PRRX2: variants seen among roughly 807,000 people sequenced by gnomAD.
PRRX2 encodes the protein paired related homeobox 2, also known as paired mesoderm homeobox protein 2.
A neutral mutation model predicts 18.0 loss-of-function variants in PRRX2; 11 were observed. The observed-to-expected ratio is 0.61, with a 90% CI of 0.39 to 1.01. The LOEUF (loss-of-function observed/expected upper bound fraction) is 1.01, where lower values mean the gene tolerates loss of function less well. PRRX2 is among the 50% of genes least tolerant of loss of function. PRRX2 has a pLI of 0.01. For missense variants in PRRX2, 387 were observed against 351.0 expected (o/e 1.10, Z -0.82); for synonymous variants, 177 against 154.8 (o/e 1.14, Z -1.06).
intron 1 of PRRX2, among the ~76,000 whole-genome samples, chr9:129,702,608 T>C (rs1832511759): frequency 6.6e-6 from 1 of 152,220 alleles, no homozygotes; most frequent in African/African-American, 2.4e-5. Flanking sequence ...GCTCCCACGT[T>C]GGACGGTACA....
At chr9:129,684,460 C>CATA in intron 1 of PRRX2, among the ~76,000 whole-genome samples, 1 of 125,200 alleles carries the variant, frequency 8.0e-6, no homozygotes, top group African/African-American at 3.1e-5. Flanking sequence ...ACACACACAC[C>CATA]CAACAGAAAA....
intron 1 of PRRX2, among the ~76,000 whole-genome samples, chr9:129,673,385 A>C (rs1358326562): frequency 6.6e-6 from 1 of 152,160 alleles, no homozygotes; most frequent in East Asian, 1.9e-4. Flanking sequence ...TGAGCCCAGG[A>C]GTTCGAGGCT....
intron 1 of PRRX2, among the ~76,000 whole-genome samples, chr9:129,697,338 C>G (rs1274116332): frequency 2.0e-5 from 3 of 152,174 alleles, no homozygotes; most frequent in East Asian, 1.9e-4. Context: ...TCCCCTAGGC[C>G]GTGCCCCCTC....
intron 2 of PRRX2, 90 bp from the exon 3 acceptor site, chr9:129,720,506 G>A: frequency 1.5e-6 from 2 of 1,294,778 alleles, no homozygotes; most frequent in Non-Finnish European, 2.1e-6. Context: ...GCCAGCCCTG[G>A]GCTGGTGACA....
intron 1 of PRRX2, among the ~76,000 whole-genome samples, chr9:129,716,099 G>C (rs1832703852): frequency 6.6e-6 from 1 of 152,330 alleles, no homozygotes; most frequent in African/African-American, 2.4e-5. Flanking sequence ...AACCCGGCCG[G>C]TGGGAATGCA....
At chr9:129,720,283 G>A (rs536361601) in intron 2 of PRRX2, among the ~76,000 whole-genome samples, 3 of 150,480 alleles carry the variant, frequency 2.0e-5, no homozygotes, top group South Asian at 4.2e-4. Context: ...CTCTCCCCCC[G>A]AGTGCTCAGC....
intron 1 of PRRX2, among the ~76,000 whole-genome samples, chr9:129,677,934 C>T (rs1162436329): frequency 6.7e-6 from 1 of 149,426 alleles, no homozygotes; most frequent in Non-Finnish European, 1.5e-5. Context: ...TTTAAGGCTG[C>T]GGCTGCTTTT....
intron 1 of PRRX2, among the ~76,000 whole-genome samples, chr9:129,672,059 C>A (rs1040182666): frequency 6.6e-6 from 1 of 152,148 alleles, no homozygotes; most frequent in Non-Finnish European, 1.5e-5. Context: ...TGGGGTCAGG[C>A]TGGACGCGGC....
intron 1 of PRRX2, among the ~76,000 whole-genome samples, chr9:129,694,691 C>A (rs1832398945): frequency 6.6e-6 from 1 of 152,184 alleles, no homozygotes; most frequent in Non-Finnish European, 1.5e-5. Flanking sequence ...CTTGACCCCA[C>A]AGATCCTGTT....
chr9:129,719,484 C>T (rs1832762070), intron 2 of PRRX2, 66 bp downstream of exon 2: 3 of 1,405,748 alleles, frequency 2.1e-6, no homozygotes, highest in Non-Finnish European at 1.9e-6. Context: ...ACTGTTCACC[C>T]GGGATTACAC....
In PRRX2 at chr9:129,719,217, C is replaced by CA. The variant is rs200713340; in HGVS notation, c.260-14_260-13insA. 6.4e-7 allele frequency: 1 copy of CA among 1,558,604 alleles called. No individual in the cohort carries two copies. The highest frequency in any genetic ancestry group is 1.9e-5 in the Admixed American group (1 of 53,924). ...GCCGTCCTGCTGACCATCCCGCCCC[C>CA]CCAACCTCCGCAGGTGAGTGTCCCA... On this transcript the variant is annotated splice_polypyrimidine_tract_variant and intron_variant, in intron 1 of 3. Transcript: ENST00000372469.
chr9:129,719,553 G>T (rs1048041026), intron 2 of PRRX2, 135 bp downstream of exon 2: 1 of 1,166,882 alleles, frequency 8.6e-7, no homozygotes, highest in East Asian at 2.9e-5. Flanking sequence ...CGGGGGTTCA[G>T]ATCCCAGCCC....
chr9:129,691,197 C>T (rs1224146261), intron 1 of PRRX2, among the ~76,000 whole-genome samples: 3 of 151,130 alleles, frequency 2.0e-5, no homozygotes, highest in South Asian at 4.2e-4. Context: ...ATTAGACACG[C>T]GTCATGGCGG....
chr9:129,678,286 G>C (rs1352175786), intron 1 of PRRX2, among the ~76,000 whole-genome samples: 1 of 152,100 alleles, frequency 6.6e-6, no homozygotes, highest in Admixed American at 6.5e-5. Context: ...TTTTCAAGGG[G>C]CTGGTTTCTC....
At chr9:129,706,700 C>T (rs952534727) in intron 1 of PRRX2, among the ~76,000 whole-genome samples, 1 of 152,062 alleles carries the variant, frequency 6.6e-6, no homozygotes, top group African/African-American at 2.4e-5. Flanking sequence ...TGCACTCTAG[C>T]CTGAGTGCAG....
rs1037503697 is a variant in PRRX2 at position 129,720,516 on chromosome 9, A to G, written c.448-80A>G. ...ACGCTGCCAGCCCTGGGCTGGTGAC[A>G]GAGCAGGCACACACCCAGGTCCAGA... On this transcript the variant is annotated intron_variant, in intron 2 of 3. Coordinates refer to ENST00000372469, the MANE Select transcript of PRRX2 (RefSeq NM_016307.4). 5 of 1,371,938 alleles carry G rather than the reference A, an allele frequency of 3.6e-6. No homozygotes were observed. In the African/African-American group the frequency reaches 7.3e-5, roughly 20 times the overall value. 85.0% of individuals were successfully genotyped at this position (1,371,938 alleles called of 1,614,324 possible). A position where few individuals can be genotyped will look rare whatever the true frequency, so the allele number is the denominator to read the frequency against.
intron 1 of PRRX2, among the ~76,000 whole-genome samples, chr9:129,698,881 C>T (rs984073926): frequency 6.6e-6 from 1 of 152,216 alleles, no homozygotes; most frequent in Non-Finnish European, 1.5e-5. Flanking sequence ...TTCCTGGTGT[C>T]TGGAGGCTCA....
intron 1 of PRRX2, among the ~76,000 whole-genome samples, chr9:129,669,387 GACTT>G (rs1412889714): frequency 1.3e-5 from 2 of 152,238 alleles, no homozygotes; most frequent in Admixed American, 6.5e-5. Flanking sequence ...CCTTTGCAAT[GACTT>G]ACAACAAAAG....
chr9:129,714,932 T>C (rs1382248260), intron 1 of PRRX2, among the ~76,000 whole-genome samples: 2 of 152,146 alleles, frequency 1.3e-5, no homozygotes, highest in Non-Finnish European at 2.9e-5. Context: ...TTCAGGCTAT[T>C]GATCACCACC....
Sources: gnomAD v4.1 joint callset for allele counts (sites outside exome capture counted in the v4.1 genomes callset) on GRCh38, gnomAD v4.1.1 for gene constraint, MANE v1.5 for transcripts, NCBI Gene and HGNC (gene_info 2026-07-23, HGNC 2026-07-21) for gene names.